Variants in RSF1 observed in about 807,000 individuals in gnomAD.
RSF1 encodes the protein HBV pX-associated protein 8.
Under a neutral mutation model 145.2 loss-of-function variants are expected in RSF1, and 13 were observed. The observed-to-expected ratio is 0.09, with a 90% confidence interval of 0.06 to 0.14. The LOEUF is 0.14. Ranked by LOEUF, RSF1 falls within the 10% of genes least tolerant of loss-of-function variation. The probability of loss-of-function intolerance (pLI) is 1.00; values close to 1 mark genes in which losing one functional copy is unlikely to be tolerated. For synonymous variants in RSF1, 577 were observed against 592.6 expected, an observed-to-expected ratio of 0.97 and a Z score of 0.38; for missense variants, 1,517 against 1,718.2, an observed-to-expected ratio of 0.88 and a Z score of 2.07.
At chr11:77,821,511 T>C (rs1374414978), upstream of RSF1, among the ~76,000 whole-genome samples, 1 of 151,990 alleles carries the variant, frequency 6.6e-6, no homozygotes, top group African/African-American at 2.4e-5. Context: ...GGAACGGAAC[T>C]CTGGGGGAAT....
chr11:77,823,661 T>C (rs997835940), upstream of RSF1, among the ~76,000 whole-genome samples: 5 of 143,968 alleles, frequency 3.5e-5, no homozygotes, highest in African/African-American at 1.3e-4. Context: ...TGACCCAGAA[T>C]ACAGTTTTAA....
At chr11:77,808,527 C>T (rs1261076390) in intron 1 of RSF1, among the ~76,000 whole-genome samples, 2 of 59,996 alleles carry the variant, frequency 3.3e-5, no homozygotes, top group African/African-American at 8.4e-5. Context: ...AATATTATAC[C>T]TTTTTTTTTT....
Position 77,672,033 on chromosome 11 carries a change from A to C in RSF1, c.3751+9T>G. The stretch of plus-strand genomic sequence containing the variant: ...CCAAACTTCTATATATAGGAGACCT[A>C]TGCCTTACCTTCACTCTCTGAGCTG... On this transcript the variant is annotated intron_variant, in intron 15 of 15. Transcript: ENST00000308488. 6.2e-7 allele frequency: 1 copy of C among 1,606,774 alleles called. No individual in the cohort carries two copies. The highest frequency in any genetic ancestry group is 8.5e-7 in the Non-Finnish European group (1 of 1,177,936).
At chr11:77,731,875 G>T (rs537273009) in intron 4 of RSF1, among the ~76,000 whole-genome samples, 5 of 152,350 alleles carry the variant, frequency 3.3e-5, no homozygotes, top group Admixed American at 2.6e-4. Flanking sequence ...AGGGGTTGGG[G>T]GCCCTCATGG....
upstream of RSF1, chr11:77,821,153 G>T (rs886345997): frequency 2.3e-5 from 9 of 394,256 alleles, no homozygotes; most frequent in Non-Finnish European, 3.6e-5. Context: ...CAGTTGGGGA[G>T]CGCAGATCCC....
At chr11:77,759,855 TAAAAA>T (rs11409466) in intron 2 of RSF1, among the ~76,000 whole-genome samples, 1 of 134,284 alleles carries the variant, frequency 7.4e-6, no homozygotes, top group African/African-American at 2.8e-5. Context: ...TGATGCATGT[TAAAAA>T]AAAAAAAAAA....
chr11:77,811,096 T>C (rs971553931), intron 1 of RSF1, among the ~76,000 whole-genome samples: 1 of 152,292 alleles, frequency 6.6e-6, no homozygotes, highest in South Asian at 2.1e-4. Flanking sequence ...TCTGTGACCA[T>C]CACTCAACTC....
At chr11:77,693,664 T>G in intron 7 of RSF1, 53 bp from the exon 8 acceptor site, 2 of 1,285,496 alleles carry the variant, frequency 1.6e-6, no homozygotes, top group Non-Finnish European at 2.2e-6. Flanking sequence ...TCAATGACTC[T>G]TAGGTTAAAG....
the RSF1 span, among the ~76,000 whole-genome samples, chr11:77,837,199 G>C: frequency 6.6e-6 from 1 of 151,758 alleles, no homozygotes; most frequent in Non-Finnish European, 1.5e-5. Flanking sequence ...GCAGTGGCAC[G>C]ATCTCAGCTC....
At chr11:77,684,417 G>A (rs1959949624) in intron 10 of RSF1, among the ~76,000 whole-genome samples, 1 of 151,998 alleles carries the variant, frequency 6.6e-6, no homozygotes, top group African/African-American at 2.4e-5. Flanking sequence ...ACAAACTGAA[G>A]TTTTCAACAA....
At chr11:77,723,950 G>T (rs1029988481) in intron 5 of RSF1, among the ~76,000 whole-genome samples, 2 of 152,106 alleles carry the variant, frequency 1.3e-5, no homozygotes, top group African/African-American at 4.8e-5. Flanking sequence ...TGTCTTCCTA[G>T]AATGGTTAGA....
chr11:77,726,401 C>T lies in RSF1; in HGVS notation c.579-702G>A, dbSNP rs551893674. Among the ~76,000 whole-genome samples, 4 of 152,258 alleles carry T rather than the reference C, an allele frequency of 2.6e-5. No homozygotes were observed. The East Asian group carries it at 5.8e-4, about 22-fold the overall frequency. On this transcript the variant is annotated intron_variant, in intron 4 of 15. Transcript: ENST00000308488. ...CACGGTAACCTCAAATTCCCAGGCT[C>T]AAGACCCTCCTACCTCAGCCTCCCA... is the stretch of plus-strand genomic sequence containing the variant.
At chr11:77,724,730 A>G (rs934513818) in intron 5 of RSF1, among the ~76,000 whole-genome samples, 9 of 152,078 alleles carry the variant, frequency 5.9e-5, no homozygotes, top group Admixed American at 3.9e-4. Flanking sequence ...TGCAACCTAG[A>G]TCCCTTGCAT....
intron 1 of RSF1, among the ~76,000 whole-genome samples, chr11:77,805,382 A>C (rs1207576762): frequency 6.6e-6 from 1 of 152,064 alleles, no homozygotes; most frequent in Non-Finnish European, 1.5e-5. Context: ...CAGAGGTTGC[A>C]ATGAGCCAAG....
chr11:77,835,401 C>T, the RSF1 span, among the ~76,000 whole-genome samples: 1 of 152,040 alleles, frequency 6.6e-6, no homozygotes, highest in African/African-American at 2.4e-5. Flanking sequence ...CTATACCTGC[C>T]GTATGTTGAC....
chr11:77,825,435 G>A (rs1194543677), upstream of RSF1, among the ~76,000 whole-genome samples: 2 of 152,092 alleles, frequency 1.3e-5, no homozygotes, highest in African/African-American at 4.8e-5. Flanking sequence ...AGCTGCGCAC[G>A]GTGGTTCAAA....
chr11:77,757,363 G>T lies in RSF1; in HGVS notation c.279+7235C>A, dbSNP rs191151472. Among the ~76,000 whole-genome samples, 460 of 152,298 alleles carry T rather than the reference G, an allele frequency of 3.0e-3. 1 individual carries two copies. Among genetic ancestry groups the T allele is most frequent in the Non-Finnish European group, 4.9e-3 (330 of 68,024 alleles). On this transcript the variant is annotated intron_variant, in intron 2 of 15. Coordinates refer to ENST00000308488, the MANE Select transcript of RSF1 (RefSeq NM_016578.4). ...TGGCTAGTAAATATGGCGACCCAAT[G>T]AGGCTCTGGAGGCACTAACAGCAAA...
intron 3 of RSF1, among the ~76,000 whole-genome samples, chr11:77,743,842 G>A (rs1477459137): frequency 1.3e-5 from 2 of 152,188 alleles, no homozygotes; most frequent in Non-Finnish European, 2.9e-5. Context: ...CATGTAAGCT[G>A]AGGGGTTGTA....
At chr11:77,712,826 T>A (rs574982784) in intron 5 of RSF1, among the ~76,000 whole-genome samples, 2 of 152,362 alleles carry the variant, frequency 1.3e-5, no homozygotes, top group South Asian at 4.1e-4. Flanking sequence ...AAAATCTATC[T>A]TTATATATTT....
Sources: allele counts gnomAD v4.1 joint callset (sites outside exome capture counted in the v4.1 genomes callset), GRCh38; gene constraint gnomAD v4.1.1; transcripts MANE v1.5; gene names NCBI Gene and HGNC (gene_info 2026-07-23, HGNC 2026-07-21).